Variants in DMD observed in about 807,000 individuals in gnomAD.
The protein encoded by DMD is mutant dystrophin.
A neutral mutation model predicts 330.1 loss-of-function variants in DMD; 63 were observed. That is an observed-to-expected ratio of 0.19 (90% CI 0.16 to 0.24). The LOEUF is 0.24. Ranked by LOEUF, DMD falls within the 10% of genes least tolerant of loss-of-function variation. The probability of loss-of-function intolerance (pLI) is 1.00; values close to 1 mark genes in which losing one functional copy is unlikely to be tolerated. For missense variants in DMD, 3,344 were observed against 2,684.1 expected, an observed-to-expected ratio of 1.25 and a Z score of -5.43; for synonymous variants, 1,223 against 959.8, an observed-to-expected ratio of 1.27 and a Z score of -5.07.
intron 67 of DMD, among the ~76,000 whole-genome samples, chrX:31,184,063 C>T (rs1001741547): frequency 9.1e-6 from 1 of 110,372 alleles, no homozygotes; most frequent in Non-Finnish European, 1.9e-5. Context: ...CACACGCCAC[C>T]CCACCCGGCT....
At chrX:32,786,086 A>AGTATGTGTGT (rs1557029348) in intron 7 of DMD, among the ~76,000 whole-genome samples, 64 of 96,566 alleles carry the variant, frequency 6.6e-4, no homozygotes, top group African/African-American at 2.4e-3. Flanking sequence ...GAGGAATAAG[A>AGTATGTGTGT]GTGTGTGTGT....
intron 51 of DMD, among the ~76,000 whole-genome samples, chrX:31,753,401 TGAGA>T (rs773323784): frequency 9.0e-6 from 1 of 111,697 alleles, no homozygotes; most frequent in Non-Finnish European, 1.9e-5. Context: ...CTATAAGAAC[TGAGA>T]GAGAAAGATT....
chrX:32,054,823 G>C (rs1252661769), intron 44 of DMD, among the ~76,000 whole-genome samples: 2 of 91,570 alleles, frequency 2.2e-5, no homozygotes, highest in Non-Finnish European at 4.3e-5. Context: ...TAATGTGTGA[G>C]AGAGGGGAGG....
intron 47 of DMD, among the ~76,000 whole-genome samples, chrX:31,880,217 G>A (rs2094037893): frequency 9.0e-6 from 1 of 111,562 alleles, no homozygotes. Flanking sequence ...ATAGTAAGAA[G>A]AACTGGAATA....
At chrX:32,553,526 A>G (rs914017912) in intron 16 of DMD, among the ~76,000 whole-genome samples, 5 of 111,190 alleles carry the variant, frequency 4.5e-5, no homozygotes, top group African/African-American at 1.6e-4. Flanking sequence ...CAATTTATCT[A>G]TATGACAAAC....
At chrX:33,025,004 C>T (rs1371873509) in intron 1 of DMD, among the ~76,000 whole-genome samples, 1 of 112,044 alleles carries the variant, frequency 8.9e-6, no homozygotes, top group African/African-American at 3.2e-5. Flanking sequence ...AAAATATAAA[C>T]AAGATTCAGT....
At chrX:31,613,331 T>C (rs1473111748) in intron 55 of DMD, among the ~76,000 whole-genome samples, 1 of 111,357 alleles carries the variant, frequency 9.0e-6, no homozygotes, top group Non-Finnish European at 1.9e-5. Flanking sequence ...GGATAATTGC[T>C]CTTGGGACCC....
rs1445714790 is a variant in DMD at position 31,121,819 on chromosome X, G to A, written c.*100C>T. ...ATTATAAAAACCATGCGGGAATCAGGAGTTGTAAAACATTTATTCTGCTCC... is the reference window on the plus strand; with the variant it reads ...ATTATAAAAACCATGCGGGAATCAGAAGTTGTAAAACATTTATTCTGCTCC... On this transcript the variant is annotated 3_prime_UTR_variant, in exon 79 of 79. Coordinates refer to ENST00000357033, the MANE Select transcript of DMD (RefSeq NM_004006.3). 1 of 1,085,755 alleles carries A rather than the reference G, an allele frequency of 9.2e-7. No homozygotes were observed. The highest frequency in any genetic ancestry group is 1.3e-6 in the Non-Finnish European group (1 of 780,979). The allele number at this position is 1,085,755 out of a possible 1,213,427, so 89.5% of individuals were successfully genotyped here.
chrX:32,593,595 C>T (rs909833591), intron 13 of DMD, among the ~76,000 whole-genome samples: 10 of 110,542 alleles, frequency 9.0e-5, no homozygotes, highest in Non-Finnish European at 1.7e-4. Context: ...TTACCCATCG[C>T]AACCAGGGTA....
At chrX:31,986,840 A>G (rs1170939952) in intron 44 of DMD, among the ~76,000 whole-genome samples, 1 of 112,487 alleles carries the variant, frequency 8.9e-6, no homozygotes, top group African/African-American at 3.2e-5. Context: ...ACGAACTAAA[A>G]TGGGCACAGA....
At chrX:32,686,559 C>CAA (rs750534167) in intron 9 of DMD, among the ~76,000 whole-genome samples, 1,383 of 27,620 alleles carry the variant, frequency 0.05, 60 homozygotes, top group African/African-American at 0.11. Context: ...AACTCCATCT[C>CAA]AAAAAAAAAA....
chrX:31,862,777 T>A (rs1160494711), intron 48 of DMD, among the ~76,000 whole-genome samples: 2 of 112,450 alleles, frequency 1.8e-5, no homozygotes, highest in Admixed American at 9.4e-5. Flanking sequence ...CTTAAGGAGA[T>A]GAGTAACTCC....
intron 12 of DMD, among the ~76,000 whole-genome samples, chrX:32,604,799 TACA>T (rs1341247566): frequency 1.1e-4 from 9 of 79,951 alleles, no homozygotes; most frequent in African/African-American, 4.4e-4. Context: ...CAATCTCATT[TACA>T]ACAACTACAA....
chrX:32,563,456 G>A (rs1373256779), intron 16 of DMD, among the ~76,000 whole-genome samples: 1 of 108,104 alleles, frequency 9.3e-6, no homozygotes, highest in African/African-American at 3.4e-5. Flanking sequence ...ATGCTTTCTT[G>A]TCTATGCCTC....
At chrX:33,317,528 T>C (rs886659705) in intron 1 of DMD, among the ~76,000 whole-genome samples, 3 of 111,604 alleles carry the variant, frequency 2.7e-5, no homozygotes, top group African/African-American at 6.5e-5. Flanking sequence ...TAGATTCCCA[T>C]ATACTATAAA....
At chrX:32,569,128 G>T (rs982991611) in intron 15 of DMD, among the ~76,000 whole-genome samples, 4 of 111,188 alleles carry the variant, frequency 3.6e-5, no homozygotes, top group Non-Finnish European at 7.5e-5. Flanking sequence ...TACCTCCAAG[G>T]TAGGGAGGAA....
chrX:31,986,927 T>G (rs896721939), intron 44 of DMD, among the ~76,000 whole-genome samples: 2 of 112,135 alleles, frequency 1.8e-5, no homozygotes, highest in Non-Finnish European at 3.8e-5. Flanking sequence ...TCCTGGTAAC[T>G]ATGATAGAAA....
intron 13 of DMD, among the ~76,000 whole-genome samples, chrX:32,586,762 T>A (rs2054335388): frequency 9.0e-6 from 1 of 111,105 alleles, no homozygotes; most frequent in African/African-American, 3.3e-5. Context: ...AATACCAGTG[T>A]CAGCCTTGCC....
chrX:31,557,832 C>T (rs975696752), intron 55 of DMD, among the ~76,000 whole-genome samples: 9 of 110,236 alleles, frequency 8.2e-5, no homozygotes, highest in Admixed American at 4.8e-4. Context: ...TCGGCATAGA[C>T]GTGATACTCA....
Sources: allele counts gnomAD v4.1 joint callset (sites outside exome capture counted in the v4.1 genomes callset), GRCh38; gene constraint gnomAD v4.1.1; transcripts MANE v1.5; gene names NCBI Gene and HGNC (gene_info 2026-07-23, HGNC 2026-07-21).